The following CADPS2 variants were observed in gnomAD, a reference collection of about 807,000 sequenced individuals.
CADPS2 encodes calcium-dependent secretion activator 2.
In CADPS2, 93 loss-of-function variants were observed where a neutral mutation model predicts 172.5. That is an observed-to-expected ratio of 0.54 (90% confidence interval 0.46 to 0.64). CADPS2 has a LOEUF of 0.64. CADPS2 is among the 30% of genes least tolerant of loss of function. The pLI, the probability that CADPS2 is intolerant of heterozygous loss-of-function variation, is 0.00. For missense variants in CADPS2, 1,420 were observed against 1,565.9 expected, an observed-to-expected ratio of 0.91 and a Z score of 1.57; for synonymous variants, 546 against 555.2, an observed-to-expected ratio of 0.98 and a Z score of 0.23.
At chr7:122,771,984 C>CAGT (rs2093718102) in intron 1 of CADPS2, among the ~76,000 whole-genome samples, 1 of 152,018 alleles carries the variant, frequency 6.6e-6, no homozygotes, top group Non-Finnish European at 1.5e-5. Flanking sequence ...TTCCAATAGA[C>CAGT]CAGGTGAGGA....
At chr7:122,830,793 G>A (rs1254412933) in intron 1 of CADPS2, among the ~76,000 whole-genome samples, 2 of 152,168 alleles carry the variant, frequency 1.3e-5, no homozygotes, top group South Asian at 2.1e-4. Flanking sequence ...GCTATTAAAC[G>A]ATCTCATTCT....
chr7:122,797,633 G>A (rs190885207), intron 1 of CADPS2, among the ~76,000 whole-genome samples: 2 of 152,206 alleles, frequency 1.3e-5, no homozygotes, highest in East Asian at 1.9e-4. Context: ...TTATAAGTGG[G>A]AGCTAAATGA....
intron 2 of CADPS2, among the ~76,000 whole-genome samples, chr7:122,736,452 A>G (rs1163060269): frequency 6.6e-6 from 1 of 152,212 alleles, no homozygotes; most frequent in Non-Finnish European, 1.5e-5. Context: ...GGAAATCCAT[A>G]GAGAAACTCC....
intron 1 of CADPS2, among the ~76,000 whole-genome samples, chr7:122,866,037 A>C (rs906358902): frequency 1.3e-5 from 2 of 152,180 alleles, no homozygotes; most frequent in Admixed American, 1.3e-4. Context: ...TAGTTAAAAG[A>C]ATTTCTTCTG....
chr7:122,657,838 A>G (rs959155265), intron 3 of CADPS2, among the ~76,000 whole-genome samples: 41 of 152,252 alleles, frequency 2.7e-4, no homozygotes, highest in African/African-American at 7.7e-4. Context: ...CAGAACTTCC[A>G]ACACTATGTT....
chr7:122,688,867 G>A (rs2083967743), intron 2 of CADPS2, among the ~76,000 whole-genome samples: 1 of 152,094 alleles, frequency 6.6e-6, no homozygotes, highest in African/African-American at 2.4e-5. Flanking sequence ...CTCGGCCAAG[G>A]GAGACATAGG....
chr7:122,438,447 A>G lies in CADPS2; in HGVS notation c.2370T>C (p.Ile790=), dbSNP rs756417964. The change falls in exon 17 of 30, where the codon ATT becomes ATC. Residue 790 remains isoleucine, a synonymous_variant. Coordinates refer to ENST00000449022, the MANE Select transcript of CADPS2 (RefSeq NM_017954.11). ...SLLERVLMKD[I]ATPIPAEEVK... ...CCTCTTCTGCTGGTATGGGAGTGGC[A>G]ATATCTTTCATTAAAACCTACAGAG... 99 of 1,612,766 alleles carry G rather than the reference A, an allele frequency of 6.1e-5. No individual in the cohort carries two copies. Among genetic ancestry groups the G allele is most frequent in the Non-Finnish European group, 7.9e-5 (93 of 1,179,284 alleles).
intron 9 of CADPS2, among the ~76,000 whole-genome samples, chr7:122,502,585 T>G (rs892425748): frequency 6.6e-6 from 1 of 152,128 alleles, no homozygotes; most frequent in African/African-American, 2.4e-5. Context: ...TATTGTTCCA[T>G]TCATTATTTT....
chr7:122,335,915 A>T (rs1434489861), intron 28 of CADPS2, among the ~76,000 whole-genome samples: 2 of 152,218 alleles, frequency 1.3e-5, no homozygotes, highest in African/African-American at 4.8e-5. Context: ...CAATGAGAGA[A>T]AAAAGAGAAA....
chr7:122,322,434 G>T (rs1280396724), intron 29 of CADPS2, among the ~76,000 whole-genome samples: 2 of 152,208 alleles, frequency 1.3e-5, no homozygotes, highest in Non-Finnish European at 2.9e-5. Flanking sequence ...CTCTTTCTCT[G>T]TCTTTAGAAT....
intron 21 of CADPS2, 50 bp downstream of exon 21, chr7:122,393,391 G>A: frequency 1.2e-6 from 2 of 1,613,202 alleles, no homozygotes; most frequent in African/African-American, 1.3e-5. Context: ...AAGTCATAAG[G>A]TCAGGGTTGA....
intron 1 of CADPS2, among the ~76,000 whole-genome samples, chr7:122,848,927 A>C (rs1584903794): frequency 6.6e-6 from 1 of 152,344 alleles, no homozygotes; most frequent in Non-Finnish European, 1.5e-5. Context: ...ATGCTCCTGA[A>C]GTATTTTGGA....
rs185019825 is a variant in CADPS2 at position 122,789,566 on chromosome 7, A to G, written c.340-52498T>C. ...GTTCCCAAACCTAGAGGACACAAATACAAATTTTCCCCCTACCACACACAC... is the reference window on the plus strand; with the variant it reads ...GTTCCCAAACCTAGAGGACACAAATGCAAATTTTCCCCCTACCACACACAC... On this transcript the variant is annotated intron_variant, in intron 1 of 29. Coordinates refer to ENST00000449022, the MANE Select transcript of CADPS2 (RefSeq NM_017954.11). Among the ~76,000 whole-genome samples the G allele has an allele frequency of 4.9e-4, 75 of 152,340 alleles. No homozygotes were observed. In the East Asian group the frequency reaches 0.011, roughly 22 times the overall value.
chr7:122,677,116 C>T (rs2135710284), intron 2 of CADPS2, among the ~76,000 whole-genome samples: 1 of 152,316 alleles, frequency 6.6e-6, no homozygotes, highest in South Asian at 2.1e-4. Context: ...GATCAGGTGT[C>T]ATAAGCAAGG....
chr7:122,472,078 A>G (rs2056034002), intron 13 of CADPS2, among the ~76,000 whole-genome samples: 1 of 152,174 alleles, frequency 6.6e-6, no homozygotes, highest in Non-Finnish European at 1.5e-5. Context: ...AACAGAGTTA[A>G]TGCTTTATAT....
At chr7:122,533,052 A>G (rs1350369210) in intron 8 of CADPS2, among the ~76,000 whole-genome samples, 1 of 152,046 alleles carries the variant, frequency 6.6e-6, no homozygotes, top group East Asian at 1.9e-4. Flanking sequence ...AGAAAGGCCT[A>G]TCACTCTTGC....
Position 122,430,366 on chromosome 7 carries a change from G to A in CADPS2, c.2476+7975C>T, listed in dbSNP as rs114641382. On this transcript the variant is annotated intron_variant, in intron 17 of 29. Coordinates refer to ENST00000449022, the MANE Select transcript of CADPS2 (RefSeq NM_017954.11). ...CTATATAATTTTCAGGAAACAGTAG[G>A]AACTGTTATCAAATGTATGACTGCG... Among the ~76,000 whole-genome samples the A allele has an allele frequency of 9.4e-3, 1,436 of 152,242 alleles. 22 individuals are homozygous for A. The highest frequency in any genetic ancestry group is 0.033 in the African/African-American group (1,360 of 41,560).
At chr7:122,848,264 A>C (rs1812568367) in intron 1 of CADPS2, among the ~76,000 whole-genome samples, 1 of 152,162 alleles carries the variant, frequency 6.6e-6, no homozygotes, top group African/African-American at 2.4e-5. Flanking sequence ...AGGAAGACAA[A>C]CCCTTCCTCT....
intron 2 of CADPS2, among the ~76,000 whole-genome samples, chr7:122,719,277 G>A (rs1330375858): frequency 6.6e-6 from 1 of 152,014 alleles, no homozygotes; most frequent in Non-Finnish European, 1.5e-5. Context: ...GAGAGAGAAA[G>A]GGAATGAGTG....
Sources: gnomAD v4.1 joint callset for allele counts (sites outside exome capture counted in the v4.1 genomes callset) on GRCh38, gnomAD v4.1.1 for gene constraint, MANE v1.5 for transcripts, NCBI Gene and HGNC (gene_info 2026-07-23, HGNC 2026-07-21) for gene names.